The following KMT2C variants were observed in gnomAD, a reference collection of about 807,000 sequenced individuals.
KMT2C encodes lysine methyltransferase 2C, also known as histone-lysine N-methyltransferase 2C.
In KMT2C, 88 loss-of-function variants were observed where a neutral mutation model predicts 507.9. The observed-to-expected ratio is 0.17, with a 90% CI of 0.15 to 0.21. KMT2C has a LOEUF of 0.21. Among genes scored for constraint, KMT2C ranks in the 10% least tolerant of loss-of-function variants. The pLI is 1.00. For missense variants in KMT2C, 4,954 were observed against 5,957.8 expected, an observed-to-expected ratio of 0.83 and a Z score of 5.55; for synonymous variants, 2,049 against 2,080.8, an observed-to-expected ratio of 0.98 and a Z score of 0.42.
intron 1 of KMT2C, among the ~76,000 whole-genome samples, chr7:152,362,750 T>G (rs556357992): frequency 6.6e-6 from 1 of 152,354 alleles, no homozygotes; most frequent in Admixed American, 6.5e-5. Context: ...TTCAAGCTCG[T>G]TCTGTCTAGT....
rs2129135850 is a variant in KMT2C, at chr7:152,203,122, C to A, written c.3962-58G>T. The A allele has an allele frequency of 8.3e-6, 12 of 1,448,298 alleles. No homozygotes were observed. In the South Asian group the frequency reaches 1.5e-4, roughly 18 times the overall value. 89.7% of individuals were successfully genotyped at this position (1,448,298 alleles called of 1,614,324 possible). The stretch of plus-strand genomic sequence containing the variant: ...CATTTAAAATTTCTAGACAAACCCA[C>A]TGAAGGTAATTTTATACCTTACCAA... On this transcript the variant is annotated intron_variant, in intron 25 of 58. Transcript: ENST00000262189.
At chr7:152,242,929 CAGTAAGTCT>C (rs2095411390) in intron 14 of KMT2C, among the ~76,000 whole-genome samples, 1 of 152,098 alleles carries the variant, frequency 6.6e-6, no homozygotes, top group Non-Finnish European at 1.5e-5. Flanking sequence ...TGCTTATAAA[CAGTAAGTCT>C]AATTTAGGAA....
chr7:152,316,583 A>G (rs1320097387), intron 3 of KMT2C, among the ~76,000 whole-genome samples: 2 of 152,194 alleles, frequency 1.3e-5, no homozygotes, highest in African/African-American at 4.8e-5. Flanking sequence ...CTTCTTGGGC[A>G]TTAAAGTTAC....
intron 1 of KMT2C, among the ~76,000 whole-genome samples, chr7:152,430,006 C>T (rs1590000311): frequency 6.6e-6 from 1 of 151,650 alleles, no homozygotes; most frequent in African/African-American, 2.4e-5. Context: ...GGTGAACACC[C>T]ATCTCTACTA....
At chr7:152,325,335 G>C (rs2096817678) in intron 3 of KMT2C, among the ~76,000 whole-genome samples, 1 of 151,980 alleles carries the variant, frequency 6.6e-6, no homozygotes, top group Non-Finnish European at 1.5e-5. Context: ...TTTTAGTAGA[G>C]ATGGGGTTTC....
chr7:152,217,375 A>C (rs1313619380), intron 23 of KMT2C, among the ~76,000 whole-genome samples: 1 of 152,194 alleles, frequency 6.6e-6, no homozygotes, highest in Non-Finnish European at 1.5e-5. Flanking sequence ...GGCAATACTG[A>C]ATTTTTAAAA....
At chr7:152,432,537 G>A (rs1287634060) in intron 1 of KMT2C, among the ~76,000 whole-genome samples, 2 of 152,138 alleles carry the variant, frequency 1.3e-5, no homozygotes, top group African/African-American at 4.8e-5. Flanking sequence ...AAATTTCACT[G>A]TGCCACTTGA....
chr7:152,322,458 G>A (rs1007994097), intron 3 of KMT2C, among the ~76,000 whole-genome samples: 2 of 151,896 alleles, frequency 1.3e-5, no homozygotes, highest in African/African-American at 4.8e-5. Flanking sequence ...AACACAATGG[G>A]TAAAGAACTG....
intron 6 of KMT2C, among the ~76,000 whole-genome samples, chr7:152,304,602 C>T (rs2096598896): frequency 6.6e-6 from 1 of 152,188 alleles, no homozygotes. Context: ...GTTGAAATGT[C>T]ATCTTTATCT....
chr7:152,362,693 AC>A (rs1301423600), intron 1 of KMT2C, among the ~76,000 whole-genome samples: 1 of 152,122 alleles, frequency 6.6e-6, no homozygotes, highest in African/African-American at 2.4e-5. Context: ...CACTATCTTG[AC>A]CATCACTGTC....
At chr7:152,302,273 G>C (rs1030240664) in intron 6 of KMT2C, among the ~76,000 whole-genome samples, 3 of 152,108 alleles carry the variant, frequency 2.0e-5, no homozygotes, top group Non-Finnish European at 4.4e-5. Flanking sequence ...TTTTAGGCAG[G>C]AGTGCAATAG....
chr7:152,367,666 AG>A, intron 1 of KMT2C: 1 of 1,429,590 alleles, frequency 7.0e-7, no homozygotes, highest in Non-Finnish European at 9.9e-7. Context: ...GGTGGTGTTC[AG>A]TTGCTGCTCA....
Position 152,418,978 on chromosome 7 carries a change from G to A in KMT2C, c.161+16648C>T, listed in dbSNP as rs575380998. Among the ~76,000 whole-genome samples, 70 of 152,202 alleles carry A rather than the reference G, an allele frequency of 4.6e-4. 1 individual carries two copies. Among genetic ancestry groups the A allele is most frequent in the African/African-American group, 1.7e-3 (69 of 41,520 alleles). ...AAAGGCCAAGGTGGGAGGATCACTTGAGCCTAGGAGTTTGAGACCAGCCTG... is the reference window on the plus strand; with the variant it reads ...AAAGGCCAAGGTGGGAGGATCACTTAAGCCTAGGAGTTTGAGACCAGCCTG... On this transcript the variant is annotated intron_variant, in intron 1 of 58. Transcript: ENST00000262189.
At position 152,138,704 on chromosome 7, in the gene KMT2C, T is replaced by G; in HGVS notation, c.14643+92A>C. ...CAGAGTTTTTATCACAACAAAGAAT[T>G]GGGAAACAAGTGAGTAAGTGACCTG... On this transcript the variant is annotated intron_variant, in intron 58 of 58. Coordinates refer to ENST00000262189, the MANE Select transcript of KMT2C (RefSeq NM_170606.3). The surrounding 1 kb of genome is among the most constrained non-coding windows in gnomAD (Gnocchi z 4.2). The G allele has an allele frequency of 1.2e-6, 1 of 808,246 alleles. No individual in the cohort carries two copies. The highest frequency in any genetic ancestry group is 2.0e-6 in the Non-Finnish European group (1 of 491,880). The allele number at this position is 808,246 out of a possible 1,614,324, so 50.1% of individuals were successfully genotyped here.
intron 23 of KMT2C, among the ~76,000 whole-genome samples, chr7:152,209,454 CAAAAA>C (rs71198766): frequency 1.4e-5 from 1 of 70,918 alleles, no homozygotes. Flanking sequence ...GACTCCGTCT[CAAAAA>C]AAAAAAAAAA....
rs2092952099 is a variant in KMT2C at position 152,171,266 on chromosome 7, G to C, written c.9451C>G (p.Gln3151Glu). The change falls in exon 40 of 59, where the codon CAG becomes GAG. Residue 3151 changes from glutamine to glutamate, a missense_variant and splice_region_variant. Gln to Glu is a conservative substitution (Grantham distance 29, BLOSUM62 2). Around this residue, in one of 29 missense-constraint regions of KMT2C, gnomAD observed 1,689 missense variants for 1,654.3 expected, o/e 1.02. Transcript: ENST00000262189. Reference protein sequence around the residue: ...GQNLGPQAIPQDGSITHQISR... With the variant: ...GQNLGPQAIPEDGSITHQISR... Reference sequence around the variant, plus strand: ...GGACTCATTACAGGCAGTGTTACCTGAGGAATGGCCTGTGGTCCAAGGTTC... The same window carrying C: ...GGACTCATTACAGGCAGTGTTACCTCAGGAATGGCCTGTGGTCCAAGGTTC... The C allele has an allele frequency of 6.2e-7, 1 of 1,603,340 alleles. No individual in the cohort carries two copies. The highest frequency in any genetic ancestry group is 8.5e-7 in the Non-Finnish European group (1 of 1,174,528).
chr7:152,427,978 C>A (rs748958297), intron 1 of KMT2C, among the ~76,000 whole-genome samples: 9 of 152,132 alleles, frequency 5.9e-5, no homozygotes, highest in Non-Finnish European at 1.3e-4. Context: ...TTGTAACAGC[C>A]TATTATCTCT....
Position 152,181,029 on chromosome 7 carries a change from C to A in KMT2C, c.6831G>T (p.Arg2277Ser), listed in dbSNP as rs1177487202. 3 of 1,614,058 alleles carry A rather than the reference C, an allele frequency of 1.9e-6. No individual in the cohort carries two copies. Among genetic ancestry groups the A allele is most frequent in the Non-Finnish European group, 2.5e-6 (3 of 1,180,014 alleles). The change falls in exon 36 of 59, where the codon AGG (arginine) becomes AGT (serine). Residue 2277 changes from arginine to serine, a missense_variant. By Grantham distance (110) the Arg-to-Ser change is moderately radical. This residue lies in a region of KMT2C where 1,689 missense variants were observed against 1,654.3 expected (regional missense o/e 1.02). Transcript: ENST00000262189. ...TGTCTGAAAGACCAGGTCCAGGGGGCCTAGGTGTCTGGGAACATGTATCAG... is the reference window on the plus strand; with the variant it reads ...TGTCTGAAAGACCAGGTCCAGGGGGACTAGGTGTCTGGGAACATGTATCAG... ...RPPDTCSQTP[R>S]PPGPGLSDTF...
intron 2 of KMT2C, among the ~76,000 whole-genome samples, chr7:152,336,956 T>A (rs2096941185): frequency 6.6e-6 from 1 of 150,936 alleles, no homozygotes; most frequent in Non-Finnish European, 1.5e-5. Flanking sequence ...ATAATCTCCA[T>A]CCACTAGGTG....
Sources: gnomAD v4.1 joint callset for allele counts (sites outside exome capture counted in the v4.1 genomes callset) on GRCh38, gnomAD v4.1.1 for gene constraint, gnomAD v4.1.1 regional missense constraint, Gnocchi (gnomAD v3.1) non-coding constraint, MANE v1.5 for transcripts, NCBI Gene and HGNC (gene_info 2026-07-23, HGNC 2026-07-21) for gene names.